The following POU2F2 variants were observed in gnomAD, a reference collection of about 807,000 sequenced individuals.
POU2F2 encodes POU domain, class 2, transcription factor 2.
POU2F2 carries 14 observed loss-of-function variants against 63.5 expected under a neutral mutation model. That is an observed-to-expected ratio of 0.22 (90% CI 0.15 to 0.34). The LOEUF (loss-of-function observed/expected upper bound fraction) is 0.34, where lower values mean the gene tolerates loss of function less well. Ranked by LOEUF, POU2F2 falls within the 10% of genes least tolerant of loss-of-function variation. The pLI, the probability that POU2F2 is intolerant of heterozygous loss-of-function variation, is 1.00. For missense variants in POU2F2, 607 were observed against 815.2 expected, an observed-to-expected ratio of 0.74 and a Z score of 3.11; for synonymous variants, 306 against 348.6, an observed-to-expected ratio of 0.88 and a Z score of 1.36.
At chr19:42,137,282 T>A (rs1403818601), upstream of POU2F2, among the ~76,000 whole-genome samples, 1 of 151,914 alleles carries the variant, frequency 6.6e-6, no homozygotes, top group East Asian at 1.9e-4. Context: ...AAGGCTGCAA[T>A]GAGCTATGAT....
chr19:42,168,716 A>G (rs1317842763), intron 1 of POU2F2, among the ~76,000 whole-genome samples: 1 of 152,196 alleles, frequency 6.6e-6, no homozygotes, highest in Non-Finnish European at 1.5e-5. Context: ...ATAGTGGGGT[A>G]AGGGTAGGGG....
intron 1 of POU2F2, among the ~76,000 whole-genome samples, chr19:42,171,061 G>T (rs962122901): frequency 1.3e-5 from 2 of 152,218 alleles, no homozygotes; most frequent in African/African-American, 4.8e-5. Flanking sequence ...TTTTGGAGTC[G>T]GCCTGACCTT....
chr19:42,095,469 G>C lies in POU2F2; in HGVS notation c.1021-7C>G. ...CTGAGGTAGGCTTCTGGTTCTGCAGGCAGAGGGCTCGTTAGCCCGAGGCCC... is the reference window on the plus strand; with the variant it reads ...CTGAGGTAGGCTTCTGGTTCTGCAGCCAGAGGGCTCGTTAGCCCGAGGCCC... On this transcript the variant is annotated splice_polypyrimidine_tract_variant and splice_region_variant and intron_variant, in intron 10 of 14. Transcript: ENST00000692977. This position sits in a 1 kb window ranked among gnomAD's most constrained non-coding sequence, Gnocchi z 7.1. 1 of 1,611,736 alleles carries C rather than the reference G, an allele frequency of 6.2e-7. No individual in the cohort carries two copies. Among genetic ancestry groups the C allele is most frequent in the Non-Finnish European group, 8.5e-7 (1 of 1,179,446 alleles).
chr19:42,105,410 G>A (rs1400518589), intron 5 of POU2F2, among the ~76,000 whole-genome samples: 1 of 152,058 alleles, frequency 6.6e-6, no homozygotes, highest in African/African-American at 2.4e-5. Context: ...TGAATCTAAT[G>A]AATAAGACTA....
upstream of POU2F2, among the ~76,000 whole-genome samples, chr19:42,197,619 T>G (rs2035166640): frequency 6.6e-6 from 1 of 152,122 alleles, no homozygotes; most frequent in African/African-American, 2.4e-5. Flanking sequence ...AACGAGTTCC[T>G]GAGCCCTTAC....
At chr19:42,188,527 C>G (rs185223119) in intron 1 of POU2F2, among the ~76,000 whole-genome samples, 2 of 151,362 alleles carry the variant, frequency 1.3e-5, no homozygotes, top group African/African-American at 4.9e-5. Flanking sequence ...AAAAATTAGC[C>G]GGGCGTGGTG....
chr19:42,138,585 C>T (rs947999683), intron 2 of POU2F2, among the ~76,000 whole-genome samples: 4 of 151,970 alleles, frequency 2.6e-5, no homozygotes, highest in Non-Finnish European at 4.4e-5. Context: ...ATGTGGGGAC[C>T]GGCTGGTAGC....
In POU2F2 at chr19:42,087,311, G is replaced by C. The variant is rs540299233; in HGVS notation, c.*3946C>G. 2.4e-4 allele frequency: 36 copies of C among 152,096 alleles called. No homozygotes were observed. Among genetic ancestry groups the C allele is most frequent in the African/African-American group, 8.4e-4 (35 of 41,458 alleles). 9.4% of individuals were successfully genotyped at this position (152,096 alleles called of 1,614,324 possible). A position where few individuals can be genotyped will look rare whatever the true frequency, so the allele number is the denominator to read the frequency against. On this transcript the variant is annotated 3_prime_UTR_variant, in exon 15 of 15. Coordinates refer to ENST00000692977, the MANE Select transcript of POU2F2 (RefSeq NM_001394376.1). ...TCAGGTCCCCCTACCCTGGGCTAGAGGAAGAGAGAGGCACCCTGGTGTTCA... is the reference window on the plus strand; with the variant it reads ...TCAGGTCCCCCTACCCTGGGCTAGACGAAGAGAGAGGCACCCTGGTGTTCA...
At chr19:42,133,914 C>T (rs760444132), upstream of POU2F2, among the ~76,000 whole-genome samples, 73 of 152,272 alleles carry the variant, frequency 4.8e-4, no homozygotes, top group Non-Finnish European at 6.6e-4. The surrounding 1 kb of genome is among the most constrained non-coding windows in gnomAD (Gnocchi z 5.1). Flanking sequence ...CCCAGACACA[C>T]CCAGGCAAGC....
chr19:42,099,639 AC>A, intron 6 of POU2F2, 21 bp from the exon 7 acceptor site: 6 of 1,608,168 alleles, frequency 3.7e-6, no homozygotes, highest in Non-Finnish European at 5.1e-6. Context: ...AAGGGGAAAT[AC>A]ACAGGGTGAG....
Position 42,162,862 on chromosome 19 carries a change from A to G in POU2F2, c.-69-2470T>C, listed in dbSNP as rs80225984. On this transcript the variant is annotated intron_variant, in intron 1 of 6. Transcript: ENST00000524801. The surrounding 1 kb of genome is among the most constrained non-coding windows in gnomAD (Gnocchi z 4.1). ...AATGCCCACATACAACCCCACCGAT[A>G]GACAGATGGAAACACTGGCACCCAC... Among the ~76,000 whole-genome samples, 15,641 of 152,124 alleles carry G rather than the reference A, an allele frequency of 0.1. 947 individuals carry two copies. The highest frequency in any genetic ancestry group is 0.2 in the Middle Eastern group (58 of 292).
At chr19:42,143,489 A>G (rs1356898986) in intron 2 of POU2F2, among the ~76,000 whole-genome samples, 1 of 152,206 alleles carries the variant, frequency 6.6e-6, no homozygotes, top group Non-Finnish European at 1.5e-5. Flanking sequence ...CAGACTTAAT[A>G]TAAGTTGTGT....
chr19:42,117,137 G>T lies in POU2F2; in HGVS notation c.369+113C>A. ...CCTAGAGGACAGAAGAGGGCAAGAGGCAGGTGTGAGAGAGTGGCCATGGCC... is the reference window on the plus strand; with the variant it reads ...CCTAGAGGACAGAAGAGGGCAAGAGTCAGGTGTGAGAGAGTGGCCATGGCC... On this transcript the variant is annotated intron_variant, in intron 5 of 14. Coordinates refer to ENST00000692977, the MANE Select transcript of POU2F2 (RefSeq NM_001394376.1). The surrounding 1 kb of genome is among the most constrained non-coding windows in gnomAD (Gnocchi z 4.4). 2 of 880,520 alleles carry T rather than the reference G, an allele frequency of 2.3e-6. No homozygotes were observed. Among genetic ancestry groups the T allele is most frequent in the Non-Finnish European group, 3.5e-6 (2 of 568,492 alleles). The allele number at this position is 880,520 out of a possible 1,614,324, so 54.5% of individuals were successfully genotyped here. A position where few individuals can be genotyped will look rare whatever the true frequency, so the allele number is the denominator to read the frequency against.
At chr19:42,105,935 A>G (rs1287206190) in intron 5 of POU2F2, among the ~76,000 whole-genome samples, 2 of 152,044 alleles carry the variant, frequency 1.3e-5, no homozygotes, top group Non-Finnish European at 2.9e-5. Flanking sequence ...TGAAAAAAAA[A>G]AAAACCTATT....
chr19:42,163,399 T>C (rs146126260), intron 1 of POU2F2, among the ~76,000 whole-genome samples: 30 of 151,890 alleles, frequency 2.0e-4, no homozygotes, highest in Middle Eastern at 3.4e-3. Context: ...ACTTAACCTA[T>C]TGATAAGCTG....
chr19:42,117,676 T>C lies in POU2F2; in HGVS notation c.187-244A>G, dbSNP rs555812311. Among the ~76,000 whole-genome samples the C allele has an allele frequency of 2.0e-5, 3 of 152,146 alleles. No homozygotes were observed. Among genetic ancestry groups the C allele is most frequent in the East Asian group, 3.9e-4 (2 of 5,164 alleles). On this transcript the variant is annotated intron_variant, in intron 4 of 14. Coordinates refer to ENST00000692977, the MANE Select transcript of POU2F2 (RefSeq NM_001394376.1). This position sits in a 1 kb window ranked among gnomAD's most constrained non-coding sequence, Gnocchi z 4.4. ...TTCCCCTCCTGAGAGTCAGTTTTCC[T>C]GTCTGTAAAATGGAAAAGAGTGGCT...
intron 5 of POU2F2, among the ~76,000 whole-genome samples, chr19:42,116,201 CAGCAAA>C (rs1231387054): frequency 6.6e-6 from 1 of 152,156 alleles, no homozygotes; most frequent in African/African-American, 2.4e-5. Flanking sequence ...AACTATGGAC[CAGCAAA>C]AGCTCCAGAG....
At chr19:42,098,546 G>A (rs1245553311) in intron 7 of POU2F2, among the ~76,000 whole-genome samples, 5 of 151,914 alleles carry the variant, frequency 3.3e-5, no homozygotes, top group African/African-American at 1.2e-4. Flanking sequence ...TTTTGCAGCA[G>A]CAAAAATGCC....
chr19:42,170,954 G>A (rs1324894813), intron 1 of POU2F2, among the ~76,000 whole-genome samples: 3 of 152,246 alleles, frequency 2.0e-5, no homozygotes, highest in Non-Finnish European at 2.9e-5. Flanking sequence ...CAGCCATCTC[G>A]GCCATCAGCG....
Sources: gnomAD v4.1 joint callset for allele counts (sites outside exome capture counted in the v4.1 genomes callset) on GRCh38, gnomAD v4.1.1 for gene constraint, Gnocchi (gnomAD v3.1) non-coding constraint, MANE v1.5 for transcripts, NCBI Gene and HGNC (gene_info 2026-07-23, HGNC 2026-07-21) for gene names.